Variants in SLC8A1 observed in about 807,000 individuals in gnomAD.
SLC8A1 encodes the protein sodium/calcium exchanger 1.
In SLC8A1, 18 loss-of-function variants were observed where a neutral mutation model predicts 68.3. The ratio of observed to expected loss-of-function variants is 0.26; its 90% CI spans 0.18 to 0.39. The LOEUF (loss-of-function observed/expected upper bound fraction) is 0.39. Among genes scored for constraint, SLC8A1 ranks in the 10% least tolerant of loss-of-function variants. SLC8A1 has a pLI of 1.00. For synonymous variants in SLC8A1, 475 were observed against 415.5 expected (o/e 1.14, Z -1.74); for missense variants, 985 against 1,156.7 (o/e 0.85, Z 2.15).
chr2:40,274,525 T>C (rs1226640850), intron 2 of SLC8A1, among the ~76,000 whole-genome samples: 1 of 152,102 alleles, frequency 6.6e-6, no homozygotes, highest in Non-Finnish European at 1.5e-5. Context: ...TGTACACTTA[T>C]GCAACTCTTT....
intron 1 of SLC8A1, among the ~76,000 whole-genome samples, chr2:40,479,739 T>C (rs1704511123): frequency 6.6e-6 from 1 of 152,154 alleles, no homozygotes. Context: ...GGCAACAAGG[T>C]ACTTTGGCAT....
upstream of SLC8A1, among the ~76,000 whole-genome samples, chr2:40,452,955 C>G (rs949700055): frequency 6.6e-6 from 1 of 152,124 alleles, no homozygotes; most frequent in Non-Finnish European, 1.5e-5. Flanking sequence ...CAGCAATCGA[C>G]GAACCATTCT....
At chr2:40,246,688 G>T (rs1047076816) in intron 2 of SLC8A1, among the ~76,000 whole-genome samples, 16 of 152,196 alleles carry the variant, frequency 1.1e-4, no homozygotes, top group Admixed American at 6.5e-5. Flanking sequence ...AATTCCAGAA[G>T]ATGGATGGTG....
At chr2:40,154,876 G>C (rs1050130807) in intron 6 of SLC8A1, among the ~76,000 whole-genome samples, 1 of 152,024 alleles carries the variant, frequency 6.6e-6, no homozygotes, top group Admixed American at 6.6e-5. Flanking sequence ...TGTTGCATAG[G>C]CTGGTTTTGA....
intron 2 of SLC8A1, among the ~76,000 whole-genome samples, chr2:40,378,699 T>G (rs186021441): frequency 6.6e-6 from 1 of 152,192 alleles, no homozygotes; most frequent in Admixed American, 6.5e-5. Context: ...GTCAGACACA[T>G]GGAGAGAAGT....
At chr2:40,235,599 T>C (rs1211336494) in intron 2 of SLC8A1, among the ~76,000 whole-genome samples, 2 of 152,066 alleles carry the variant, frequency 1.3e-5, no homozygotes, top group African/African-American at 4.8e-5. Flanking sequence ...CTCTATTTCC[T>C]TCAGTTCTGC....
exon 1 of SLC8A1, chr2:40,452,059 C>T (rs926536873): frequency 2.0e-5 from 3 of 150,700 alleles, no homozygotes; most frequent in African/African-American, 4.8e-5. Context: ...GGCTGACTAC[C>T]GTGCAGCGCC....
chr2:40,406,447 A>G (rs1027048548), intron 2 of SLC8A1, among the ~76,000 whole-genome samples: 2 of 152,246 alleles, frequency 1.3e-5, no homozygotes, highest in African/African-American at 2.4e-5. Context: ...TATAATAAAT[A>G]AACGTCAGAA....
chr2:40,372,051 G>A (rs1362397668), intron 2 of SLC8A1, among the ~76,000 whole-genome samples: 1 of 152,122 alleles, frequency 6.6e-6, no homozygotes, highest in African/African-American at 2.4e-5. Context: ...AAAGGCCAAG[G>A]ATTTGAAAAG....
intron 2 of SLC8A1, among the ~76,000 whole-genome samples, chr2:40,268,301 A>T (rs1174636935): frequency 1.3e-5 from 2 of 152,156 alleles, no homozygotes; most frequent in Non-Finnish European, 2.9e-5. Flanking sequence ...CTAAAGTGAA[A>T]TTCCTGAAAA....
Position 40,247,378 on chromosome 2 carries a change from T to G in SLC8A1, c.1809-69523A>C, listed in dbSNP as rs768369381. Among the ~76,000 whole-genome samples, 10 of 152,208 alleles carry G rather than the reference T, an allele frequency of 6.6e-5. No individual in the cohort carries two copies. In the South Asian group the frequency reaches 2.1e-3, roughly 32 times the overall value. Reference sequence around the variant, plus strand: ...CACTTGCCACGTGTTTGAGAAGGATTAATCTCAGAATATGGCAGAAGCCTT... The same window carrying G: ...CACTTGCCACGTGTTTGAGAAGGATGAATCTCAGAATATGGCAGAAGCCTT... On this transcript the variant is annotated intron_variant, in intron 2 of 7. Coordinates refer to ENST00000406785, the Ensembl canonical transcript of SLC8A1.
chr2:40,138,501 G>C (rs1220022995), intron 7 of SLC8A1, among the ~76,000 whole-genome samples: 1 of 152,148 alleles, frequency 6.6e-6, no homozygotes, highest in Non-Finnish European at 1.5e-5. Context: ...CAAAGTAAAG[G>C]CTATATATCT....
At chr2:40,346,678 A>G (rs72943169) in intron 2 of SLC8A1, among the ~76,000 whole-genome samples, 1 of 152,292 alleles carries the variant, frequency 6.6e-6, no homozygotes, top group Admixed American at 6.5e-5. Context: ...GAGAGGGGAA[A>G]AAGTCTGAGT....
chr2:40,374,987 T>C (rs1679331308), intron 2 of SLC8A1, among the ~76,000 whole-genome samples: 1 of 152,124 alleles, frequency 6.6e-6, no homozygotes, highest in South Asian at 2.1e-4. Flanking sequence ...AGAAAGGTAA[T>C]TCCAGAGTAA....
At chr2:40,380,315 A>G (rs1039405820) in intron 2 of SLC8A1, among the ~76,000 whole-genome samples, 1 of 152,192 alleles carries the variant, frequency 6.6e-6, no homozygotes, top group East Asian at 1.9e-4. Flanking sequence ...TCTATTTACA[A>G]AACAGCCTGG....
At chr2:40,218,324 AG>A (rs1403515201) in intron 2 of SLC8A1, among the ~76,000 whole-genome samples, 1 of 152,202 alleles carries the variant, frequency 6.6e-6, no homozygotes, top group Non-Finnish European at 1.5e-5. Context: ...ATTGTGAAGA[AG>A]GGAGTGGCAA....
intron 2 of SLC8A1, among the ~76,000 whole-genome samples, chr2:40,414,680 T>C (rs1227187222): frequency 1.3e-5 from 2 of 152,192 alleles, no homozygotes; most frequent in African/African-American, 4.8e-5. Context: ...GCTTAGGTAC[T>C]TTTTCAATAA....
chr2:40,388,039 G>A (rs1052361766), intron 2 of SLC8A1, among the ~76,000 whole-genome samples: 7 of 151,670 alleles, frequency 4.6e-5, no homozygotes, highest in Non-Finnish European at 8.8e-5. Context: ...TCTCAAATTG[G>A]CATCTCTAAA....
At chr2:40,293,774 A>G (rs940082847) in intron 2 of SLC8A1, among the ~76,000 whole-genome samples, 2 of 152,186 alleles carry the variant, frequency 1.3e-5, no homozygotes, top group African/African-American at 4.8e-5. Context: ...GTGCAGAGGC[A>G]TATAGATGGA....
Sources: gnomAD v4.1 joint callset for allele counts (sites outside exome capture counted in the v4.1 genomes callset) on GRCh38, gnomAD v4.1.1 for gene constraint, MANE v1.5 for transcripts, NCBI Gene and HGNC (gene_info 2026-07-23, HGNC 2026-07-21) for gene names.